The following CEP120 variants were observed in gnomAD, a reference collection of about 807,000 sequenced individuals.
CEP120 encodes centrosomal protein 120.
In CEP120, 113 loss-of-function variants were observed where a neutral mutation model predicts 126.5. The observed-to-expected ratio is 0.89, with a 90% confidence interval of 0.77 to 1.04. The LOEUF is 1.04. CEP120 is among the 50% of genes least tolerant of loss of function. The pLI is 0.00. For missense variants in CEP120, 1,230 were observed against 1,155.7 expected (o/e 1.06, Z -0.93); for synonymous variants, 400 against 394.3 (o/e 1.01, Z -0.17).
At chr5:123,402,416 G>C (rs2127100266) in intron 4 of CEP120, 5 of 1,246,970 alleles carry the variant, frequency 4.0e-6, no homozygotes, top group Middle Eastern at 2.4e-4. Context: ...GCTGCTTCTT[G>C]GTCTGTTTTT....
intron 7 of CEP120, chr5:123,390,817 G>A (rs1772341627): frequency 3.6e-6 from 1 of 277,826 alleles, no homozygotes; most frequent in African/African-American, 2.2e-5. Context: ...GTCTAAAAAT[G>A]TTCTCTTTCA....
intron 17 of CEP120, among the ~76,000 whole-genome samples, chr5:123,370,671 A>ATGTG (rs528627254): frequency 4.5e-5 from 4 of 89,254 alleles, no homozygotes; most frequent in African/African-American, 1.6e-4. Context: ...ATATACATAT[A>ATGTG]TGTGTGTGTG....
At chr5:123,413,180 G>C (rs553549820) in intron 3 of CEP120, among the ~76,000 whole-genome samples, 50 of 152,058 alleles carry the variant, frequency 3.3e-4, no homozygotes, top group African/African-American at 1.2e-3. Context: ...GCTGAGATGG[G>C]AGGATTGCTT....
intron 5 of CEP120, among the ~76,000 whole-genome samples, chr5:123,396,700 G>C (rs1032741822): frequency 6.6e-6 from 1 of 152,172 alleles, no homozygotes; most frequent in Non-Finnish European, 1.5e-5. Flanking sequence ...TAAGTTGAAG[G>C]AGCTAGAAAA....
At chr5:123,419,996 G>C (rs1774620570) in intron 1 of CEP120, among the ~76,000 whole-genome samples, 2 of 152,128 alleles carry the variant, frequency 1.3e-5, no homozygotes, top group African/African-American at 4.8e-5. Context: ...ACTCACCCTG[G>C]TACAAGCTAC....
chr5:123,407,326 A>C (rs769397781), intron 4 of CEP120, among the ~76,000 whole-genome samples: 1 of 152,072 alleles, frequency 6.6e-6, no homozygotes, highest in Non-Finnish European at 1.5e-5. Context: ...GTCAGAGTGG[A>C]CCAAAAAACA....
Position 123,378,352 on chromosome 5 carries a change from G to C in CEP120, c.2180C>G (p.Ala727Gly). 3 of 1,605,562 alleles carry C rather than the reference G, an allele frequency of 1.9e-6. No individual in the cohort carries two copies. Among genetic ancestry groups the C allele is most frequent in the Non-Finnish European group, 2.5e-6 (3 of 1,176,812 alleles). The change falls in exon 15 of 20, where the codon GCT becomes GGT. Residue 727 changes from alanine (A) to glycine (G), a missense_variant. Coordinates refer to ENST00000306467, the MANE Select transcript of CEP120 (RefSeq NM_001375405.1). ...IDLEKREQQL[A>G]SVESELQREK... is the part of the protein sequence containing the mutation. ...ATGACATACCTCTGATTCCACACTA[G>C]CAAGCTGCTGCTCTCGCTTCTCCAA... is the stretch of plus-strand genomic sequence containing the variant.
chr5:123,391,955 T>C (rs1365037391), intron 6 of CEP120, among the ~76,000 whole-genome samples: 2 of 152,066 alleles, frequency 1.3e-5, no homozygotes, highest in Non-Finnish European at 2.9e-5. Context: ...TATCACCTTT[T>C]GACAAGTACA....
intron 18 of CEP120, among the ~76,000 whole-genome samples, chr5:123,360,650 T>C (rs1770004745): frequency 6.6e-6 from 1 of 151,882 alleles, no homozygotes; most frequent in South Asian, 2.1e-4. Flanking sequence ...CAATGCTTTT[T>C]GGGCAAGAGG....
chr5:123,397,691 A>G (rs1772877345), intron 5 of CEP120, among the ~76,000 whole-genome samples: 1 of 152,350 alleles, frequency 6.6e-6, no homozygotes, highest in East Asian at 1.9e-4. Context: ...CCTGATAAAA[A>G]TCTTTACCTG....
chr5:123,347,579 T>A (rs1477324321), intron 19 of CEP120, among the ~76,000 whole-genome samples: 2 of 152,166 alleles, frequency 1.3e-5, no homozygotes, highest in Non-Finnish European at 2.9e-5. Context: ...GACCTGCGAT[T>A]TGGGTATTTC....
At position 123,420,766 on chromosome 5, in the gene CEP120, C is replaced by A. The variant is rs547347970; in HGVS notation, c.49+2184G>T. ...CAGTAAGTTAGGTGGATAATGAGGG[C>A]CCCTTACCAAGGCACTCACAATGTA... On this transcript the variant is annotated intron_variant, in intron 1 of 19. Coordinates refer to ENST00000306467, the MANE Select transcript of CEP120 (RefSeq NM_001375405.1). 3.2e-4 allele frequency among the ~76,000 whole-genome samples: 48 copies of A among 152,278 alleles called. No individual in the cohort carries two copies. The South Asian group carries it at 9.5e-3, about 30-fold the overall frequency.
intron 4 of CEP120, among the ~76,000 whole-genome samples, chr5:123,411,409 A>G (rs1774052791): frequency 1.3e-5 from 2 of 152,190 alleles, no homozygotes; most frequent in Admixed American, 1.3e-4. Flanking sequence ...CAGTACCTTT[A>G]TTTATAATTG....
chr5:123,418,292 G>A, intron 2 of CEP120, 67 bp downstream of exon 2: 3 of 1,399,630 alleles, frequency 2.1e-6, no homozygotes, highest in Non-Finnish European at 2.9e-6. Flanking sequence ...TACTCAAACT[G>A]TATTTATTTA....
intron 5 of CEP120, 105 bp downstream of exon 5, chr5:123,399,030 TA>T (rs11419318): frequency 0.021 from 13,546 of 650,768 alleles, no homozygotes; most frequent in Non-Finnish European, 0.023. Context: ...TTTCAAAAGT[TA>T]AAAAAAAAAA....
chr5:123,381,882 C>T (rs1289799351), intron 14 of CEP120, among the ~76,000 whole-genome samples: 1 of 151,850 alleles, frequency 6.6e-6, no homozygotes, highest in Non-Finnish European at 1.5e-5. Flanking sequence ...CATACCTGGC[C>T]TATATTATAT....
At position 123,346,221 on chromosome 5, in the gene CEP120, C is replaced by T. The variant is rs1768804923; in HGVS notation, c.*298G>A. ...GAAATTACCGCAGTCATTTCTCCTA[C>T]AACAAACTTAGTTAAAAGCTGTTTT... On this transcript the variant is annotated 3_prime_UTR_variant, in exon 20 of 20. Coordinates refer to ENST00000306467, the MANE Select transcript of CEP120 (RefSeq NM_001375405.1). The T allele has an allele frequency of 3.7e-6, 1 of 272,848 alleles. No homozygotes were observed. Among genetic ancestry groups the T allele is most frequent in the Admixed American group, 4.9e-5 (1 of 20,372 alleles). The allele number at this position is 272,848 out of a possible 1,614,324, so 16.9% of individuals were successfully genotyped here.
At chr5:123,365,566 A>G (rs1404507924) in intron 17 of CEP120, among the ~76,000 whole-genome samples, 3 of 151,756 alleles carry the variant, frequency 2.0e-5, no homozygotes, top group Admixed American at 6.6e-5. Flanking sequence ...TTCTGCAGTA[A>G]TATATGACTA....
chr5:123,387,977 A>G (rs1371940576), intron 9 of CEP120, among the ~76,000 whole-genome samples: 1 of 142,194 alleles, frequency 7.0e-6, no homozygotes, highest in Non-Finnish European at 1.6e-5. Context: ...CTCCCATTAT[A>G]ATACAGTTTT....
Sources: allele counts gnomAD v4.1 joint callset (sites outside exome capture counted in the v4.1 genomes callset), GRCh38; gene constraint gnomAD v4.1.1; transcripts MANE v1.5; gene names NCBI Gene and HGNC (gene_info 2026-07-23, HGNC 2026-07-21).